Variants in PTPRT observed in about 807,000 individuals in gnomAD.
PTPRT encodes protein tyrosine phosphatase receptor type T.
A neutral mutation model predicts 176.8 loss-of-function variants in PTPRT; 56 were observed. The ratio of observed to expected loss-of-function variants is 0.32; its 90% CI spans 0.26 to 0.40. The LOEUF is 0.40. Ranked by LOEUF, PTPRT falls within the 10% of genes least tolerant of loss-of-function variation. The pLI is 1.00. For synonymous variants in PTPRT, 783 were observed against 739.0 expected (o/e 1.06, Z -0.96); for missense variants, 1,540 against 1,908.2 (o/e 0.81, Z 3.60).
At chr20:42,377,992 A>C (rs2058666719) in intron 9 of PTPRT, among the ~76,000 whole-genome samples, 1 of 152,214 alleles carries the variant, frequency 6.6e-6, no homozygotes, top group Admixed American at 6.5e-5. Flanking sequence ...TAGGGGTCCT[A>C]CCCAGAGGAG....
At chr20:42,381,229 T>C (rs890482403) in intron 9 of PTPRT, among the ~76,000 whole-genome samples, 8 of 152,170 alleles carry the variant, frequency 5.3e-5, no homozygotes, top group African/African-American at 1.4e-4. Context: ...GGGGGCCTTT[T>C]AGATTCATTG....
chr20:42,894,145 TAAGGCCACCAGGAAA>T (rs1386972638), intron 1 of PTPRT, among the ~76,000 whole-genome samples: 1 of 151,740 alleles, frequency 6.6e-6, no homozygotes. Flanking sequence ...GGAAGCGCCA[TAAGGCCACCAGGAAA>T]TGGAGAAGAG....
At chr20:42,546,224 C>A (rs1295809976) in intron 7 of PTPRT, among the ~76,000 whole-genome samples, 1 of 152,102 alleles carries the variant, frequency 6.6e-6, no homozygotes, top group Admixed American at 6.6e-5. Context: ...TTCACAGAGA[C>A]TCCAGCGCAG....
At chr20:42,121,411 T>G (rs764314195) in intron 19 of PTPRT, among the ~76,000 whole-genome samples, 19 of 151,964 alleles carry the variant, frequency 1.3e-4, no homozygotes, top group Non-Finnish European at 2.5e-4. Flanking sequence ...AAGCTTAAAA[T>G]TTTTTTTGTC....
In PTPRT at chr20:42,472,363, G is replaced by C. The variant is rs760990579; in HGVS notation, c.1353C>G (p.Gly451=). 8.1e-6 allele frequency: 13 copies of C among 1,614,122 alleles called. No individual in the cohort carries two copies. Among genetic ancestry groups the C allele is most frequent in the East Asian group, 4.5e-5 (2 of 44,886 alleles). The change falls in exon 8 of 31, where the codon GGC becomes GGG. Residue 451 remains glycine, a synonymous_variant. Transcript: ENST00000373187. ...GCCGGATGGTCATGAAGGGGCGCAG[G>C]CCTCGCAGGGTGTAGTGGGAGGAGG... ...IQTSSHYTLR[G]LRPFMTIRLR...
At chr20:42,584,893 G>A (rs1220962374) in intron 7 of PTPRT, among the ~76,000 whole-genome samples, 1 of 152,172 alleles carries the variant, frequency 6.6e-6, no homozygotes, top group Admixed American at 6.5e-5. Flanking sequence ...GTTCCTATGA[G>A]TTAAGTTGTG....
intron 1 of PTPRT, among the ~76,000 whole-genome samples, chr20:42,932,645 C>T (rs1174929584): frequency 6.6e-6 from 1 of 152,084 alleles, no homozygotes; most frequent in Non-Finnish European, 1.5e-5. Context: ...CCAGTTTCTG[C>T]ACTGGAAGCC....
chr20:42,207,128 G>A (rs1208509253), intron 15 of PTPRT, among the ~76,000 whole-genome samples: 64 of 151,754 alleles, frequency 4.2e-4, no homozygotes, highest in South Asian at 6.3e-4. Flanking sequence ...CATCCACACC[G>A]AAAACCCATC....
At chr20:42,730,711 GA>G (rs765350439) in intron 6 of PTPRT, among the ~76,000 whole-genome samples, 1 of 152,158 alleles carries the variant, frequency 6.6e-6, no homozygotes, top group Non-Finnish European at 1.5e-5. Context: ...CCTTCCCTGG[GA>G]ACTCTCTCAG....
chr20:42,767,484 G>C (rs1349308469), intron 5 of PTPRT, among the ~76,000 whole-genome samples: 2 of 151,918 alleles, frequency 1.3e-5, no homozygotes, highest in Non-Finnish European at 2.9e-5. Flanking sequence ...GGCAGATCAT[G>C]AGACTTCTCA....
At chr20:42,151,525 A>T (rs1386808158) in intron 17 of PTPRT, among the ~76,000 whole-genome samples, 1 of 152,026 alleles carries the variant, frequency 6.6e-6, no homozygotes, top group African/African-American at 2.4e-5. Flanking sequence ...TATGTGCCAC[A>T]TTTTCTTTAT....
At chr20:42,097,446 T>C (rs1010247164) in intron 27 of PTPRT, among the ~76,000 whole-genome samples, 7 of 152,238 alleles carry the variant, frequency 4.6e-5, no homozygotes, top group Admixed American at 1.3e-4. Flanking sequence ...CTCCTCTGCC[T>C]TCTTCAAGGC....
At chr20:43,134,782 T>C (rs2013769620) in intron 1 of PTPRT, among the ~76,000 whole-genome samples, 1 of 152,244 alleles carries the variant, frequency 6.6e-6, no homozygotes, top group Non-Finnish European at 1.5e-5. Context: ...TAATGAATTG[T>C]TGTCAGTTTT....
Position 42,074,230 on chromosome 20 carries a change from G to A in PTPRT, c.*6649C>T, listed in dbSNP as rs1002978624. The stretch of plus-strand genomic sequence containing the variant: ...TCTTCCATGGGAGATACAGGGACAG[G>A]GTGGACACTGAGAGTTTGTTGGACC... On this transcript the variant is annotated 3_prime_UTR_variant, in exon 31 of 31. Coordinates refer to ENST00000373187, the MANE Select transcript of PTPRT (RefSeq NM_007050.6). 3.1e-5 allele frequency: 7 copies of A among 228,048 alleles called. No homozygotes were observed. The highest frequency in any genetic ancestry group is 1.1e-4 in the African/African-American group (5 of 45,054). The allele number at this position is 228,048 out of a possible 1,614,324, so 14.1% of individuals were successfully genotyped here.
chr20:42,534,487 T>G (rs139079005), intron 7 of PTPRT, among the ~76,000 whole-genome samples: 1 of 151,998 alleles, frequency 6.6e-6, no homozygotes, highest in Non-Finnish European at 1.5e-5. Flanking sequence ...CCAAAAAAAT[T>G]TAGCCGGGCA....
At chr20:43,062,616 G>A (rs1020346217) in intron 1 of PTPRT, among the ~76,000 whole-genome samples, 2 of 152,148 alleles carry the variant, frequency 1.3e-5, no homozygotes, top group Non-Finnish European at 2.9e-5. Flanking sequence ...TTAACGCTAT[G>A]CTAGAAGAAT....
intron 9 of PTPRT, among the ~76,000 whole-genome samples, chr20:42,395,578 G>C (rs2047463102): frequency 6.6e-6 from 1 of 151,984 alleles, no homozygotes; most frequent in African/African-American, 2.4e-5. Context: ...TGCCTTCTTT[G>C]TATCTTTCTA....
intron 11 of PTPRT, among the ~76,000 whole-genome samples, chr20:42,325,131 G>C (rs923331459): frequency 2.6e-5 from 4 of 152,148 alleles, no homozygotes; most frequent in African/African-American, 9.7e-5. Context: ...CCAATGAAGT[G>C]AGGGCAGCAA....
At chr20:42,927,318 T>G (rs947790092) in intron 1 of PTPRT, among the ~76,000 whole-genome samples, 2 of 151,994 alleles carry the variant, frequency 1.3e-5, no homozygotes, top group African/African-American at 2.4e-5. Context: ...TCCCAGCACT[T>G]TGGGAGGCTG....
Sources: allele counts gnomAD v4.1 joint callset (sites outside exome capture counted in the v4.1 genomes callset), GRCh38; gene constraint gnomAD v4.1.1; transcripts MANE v1.5; gene names NCBI Gene and HGNC (gene_info 2026-07-23, HGNC 2026-07-21).